PRKCE: variants seen among roughly 807,000 people sequenced by gnomAD.
PRKCE encodes protein kinase C epsilon.
A neutral mutation model predicts 85.4 loss-of-function variants in PRKCE; 16 were observed. The ratio of observed to expected loss-of-function variants is 0.19; its 90% confidence interval spans 0.13 to 0.28. The LOEUF (loss-of-function observed/expected upper bound fraction) is 0.28. Among genes scored for constraint, PRKCE ranks in the 10% least tolerant of loss-of-function variants. The pLI is 1.00. For synonymous variants in PRKCE, 388 were observed against 371.5 expected (o/e 1.04, Z -0.51); for missense variants, 573 against 975.2 (o/e 0.59, Z 5.49).
intron 1 of PRKCE, among the ~76,000 whole-genome samples, chr2:45,770,399 C>T (rs1441898257): frequency 6.6e-6 from 1 of 152,158 alleles, no homozygotes; most frequent in Non-Finnish European, 1.5e-5. Context: ...GCCTAAGGTT[C>T]TCATGTTCAC....
At chr2:46,047,699 T>C (rs1708610859) in intron 10 of PRKCE, among the ~76,000 whole-genome samples, 1 of 152,178 alleles carries the variant, frequency 6.6e-6, no homozygotes, top group South Asian at 2.1e-4. Flanking sequence ...GGTTCCCATT[T>C]CCCCTCCCCT....
intron 11 of PRKCE, among the ~76,000 whole-genome samples, chr2:46,097,384 G>A (rs919669446): frequency 1.1e-4 from 17 of 152,222 alleles, no homozygotes; most frequent in South Asian, 8.3e-4. Context: ...GCCGGGCGTG[G>A]TGGCGGGCGT....
At chr2:46,074,668 G>A (rs534828016) in intron 10 of PRKCE, among the ~76,000 whole-genome samples, 63 of 152,250 alleles carry the variant, frequency 4.1e-4, no homozygotes, top group African/African-American at 1.4e-3. Context: ...TGAGTTTCTG[G>A]AATCAGAGTG....
intron 2 of PRKCE, among the ~76,000 whole-genome samples, chr2:45,878,303 AT>A (rs1694625764): frequency 6.6e-6 from 1 of 152,214 alleles, no homozygotes; most frequent in Non-Finnish European, 1.5e-5. Context: ...TAGTGTTTGC[AT>A]CTGCTTAGGT....
At chr2:45,944,252 C>T (rs1700080928) in intron 2 of PRKCE, among the ~76,000 whole-genome samples, 1 of 152,120 alleles carries the variant, frequency 6.6e-6, no homozygotes, top group South Asian at 2.1e-4. Context: ...CTTTTGTTCC[C>T]CATATTGTGG....
chr2:46,119,894 T>C (rs928935296), intron 11 of PRKCE, among the ~76,000 whole-genome samples: 2 of 152,244 alleles, frequency 1.3e-5, no homozygotes, highest in African/African-American at 2.4e-5. Flanking sequence ...GTAATGATAA[T>C]GTGTCTTTTA....
chr2:45,868,971 AAAG>A (rs1247530659), intron 2 of PRKCE, among the ~76,000 whole-genome samples: 2 of 151,188 alleles, frequency 1.3e-5, no homozygotes, highest in Non-Finnish European at 3.0e-5. Flanking sequence ...AAAAAAAAAA[AAAG>A]AAAAAAGAAA....
intron 14 of PRKCE, among the ~76,000 whole-genome samples, chr2:46,174,546 ATCAGCTGGTGAGGCATGCAGCCC>A (rs1679235604): frequency 6.6e-6 from 1 of 152,224 alleles, no homozygotes. Context: ...GACAGGTGGC[ATCAGCTGGTGAGGCATGCAGCCC>A]TCAGCTTGCT....
At chr2:45,999,133 A>G (rs563470825) in intron 6 of PRKCE, among the ~76,000 whole-genome samples, 9 of 152,168 alleles carry the variant, frequency 5.9e-5, no homozygotes, top group Non-Finnish European at 1.2e-4. Context: ...AATAAAAATA[A>G]AAGTTTTTAT....
At chr2:45,702,936 G>A (rs531976816) in intron 1 of PRKCE, among the ~76,000 whole-genome samples, 4 of 152,246 alleles carry the variant, frequency 2.6e-5, no homozygotes, top group African/African-American at 7.2e-5. Flanking sequence ...TTAGTGTTCC[G>A]GAGATCAGCT....
At chr2:45,933,677 C>T (rs1183651673) in intron 2 of PRKCE, among the ~76,000 whole-genome samples, 2 of 151,876 alleles carry the variant, frequency 1.3e-5, no homozygotes, top group Non-Finnish European at 2.9e-5. Context: ...GGGGTTTCAC[C>T]ATATTAGCCA....
intron 2 of PRKCE, among the ~76,000 whole-genome samples, chr2:45,896,499 T>G (rs1696152965): frequency 6.6e-6 from 1 of 152,204 alleles, no homozygotes; most frequent in African/African-American, 2.4e-5. Flanking sequence ...ACTTTTGCTT[T>G]TTTTCTGAAC....
intron 6 of PRKCE, among the ~76,000 whole-genome samples, chr2:45,996,466 G>A (rs1704226744): frequency 6.6e-6 from 1 of 152,086 alleles, no homozygotes; most frequent in South Asian, 2.1e-4. Context: ...ATTGGCTGTA[G>A]GGTTTTTGTT....
intron 10 of PRKCE, among the ~76,000 whole-genome samples, chr2:46,039,643 T>C (rs1708104511): frequency 6.6e-6 from 1 of 152,174 alleles, no homozygotes; most frequent in Admixed American, 6.5e-5. Flanking sequence ...GTTAGATCTT[T>C]GGGTTGGCTC....
chr2:45,884,775 C>T (rs1041356881), intron 2 of PRKCE, among the ~76,000 whole-genome samples: 2 of 151,538 alleles, frequency 1.3e-5, no homozygotes, highest in African/African-American at 2.4e-5. Flanking sequence ...GTAAAAACTT[C>T]AACCAGCACA....
chr2:46,066,064 C>T (rs1386928739), intron 10 of PRKCE, among the ~76,000 whole-genome samples: 1 of 152,238 alleles, frequency 6.6e-6, no homozygotes, highest in East Asian at 1.9e-4. Flanking sequence ...GACAGTCCAA[C>T]TGTCATTTTA....
At chr2:46,141,550 T>C (rs1179092574) in intron 11 of PRKCE, among the ~76,000 whole-genome samples, 1 of 152,216 alleles carries the variant, frequency 6.6e-6, no homozygotes, top group Non-Finnish European at 1.5e-5. Flanking sequence ...TGCCCTTTCA[T>C]ACTTTTTGGT....
chr2:46,015,610 A>C (rs1706057595), intron 10 of PRKCE, among the ~76,000 whole-genome samples: 1 of 150,486 alleles, frequency 6.6e-6, no homozygotes, highest in South Asian at 2.1e-4. Context: ...CACGGGGAGA[A>C]GTGAGAAAAG....
intron 1 of PRKCE, among the ~76,000 whole-genome samples, chr2:45,682,546 C>A (rs1041095809): frequency 2.0e-4 from 31 of 152,282 alleles, no homozygotes; most frequent in African/African-American, 7.5e-4. Flanking sequence ...TGGGCCTCAG[C>A]CTCCCAAGTA....
Sources: gnomAD v4.1 joint callset for allele counts (sites outside exome capture counted in the v4.1 genomes callset) on GRCh38, gnomAD v4.1.1 for gene constraint, MANE v1.5 for transcripts, NCBI Gene and HGNC (gene_info 2026-07-23, HGNC 2026-07-21) for gene names.